Variants in TOMM70 observed in about 807,000 individuals in gnomAD.
The protein encoded by TOMM70 is translocase of outer mitochondrial membrane 70, also known as mitochondrial import receptor subunit TOM70.
In TOMM70, 13 loss-of-function variants were observed where a neutral mutation model predicts 73.6. That is an observed-to-expected ratio of 0.18 (90% CI 0.11 to 0.28). The LOEUF (loss-of-function observed/expected upper bound fraction) is 0.28. Among genes scored for constraint, TOMM70 ranks in the 10% least tolerant of loss-of-function variants. The pLI is 1.00. For missense variants in TOMM70, 609 were observed against 747.5 expected (o/e 0.81, Z 2.16); for synonymous variants, 257 against 271.2 (o/e 0.95, Z 0.51).
At chr3:100,385,849 G>A (rs896143826) in intron 3 of TOMM70, among the ~76,000 whole-genome samples, 2 of 152,056 alleles carry the variant, frequency 1.3e-5, no homozygotes, top group African/African-American at 2.4e-5. Context: ...TATAAACACA[G>A]CTCTCAAAGC....
At position 100,371,259 on chromosome 3, in the gene TOMM70, ATTTTTTTT is replaced by A. The variant is rs61515802; in HGVS notation, c.1452+1339_1452+1346del. Among the ~76,000 whole-genome samples, 163 of 98,646 alleles carry A rather than the reference ATTTTTTTT, an allele frequency of 1.7e-3. 1 individual carries two copies. Among genetic ancestry groups the A allele is most frequent in the South Asian group, 2.2e-3 (6 of 2,714 alleles). 64.7% of individuals were successfully genotyped at this position (98,646 alleles called of 152,430 possible). Reference sequence around the variant, plus strand: ...AGGAGAGGGGTCAACCAGCGATGGTATTTTTTTTTTTTTTTTTTTTTTTTGGAAATGGA... The same window carrying A: ...AGGAGAGGGGTCAACCAGCGATGGTATTTTTTTTTTTTTTTTGGAAATGGA... On this transcript the variant is annotated intron_variant, in intron 9 of 11. Coordinates refer to ENST00000284320, the MANE Select transcript of TOMM70 (RefSeq NM_014820.5).
intron 7 of TOMM70, among the ~76,000 whole-genome samples, chr3:100,374,176 T>C (rs765142664): frequency 1.3e-5 from 2 of 152,252 alleles, no homozygotes; most frequent in African/African-American, 4.8e-5. Context: ...TGTTTAGATA[T>C]GTTTTAGACA....
At chr3:100,374,966 G>A in intron 7 of TOMM70, 52 bp downstream of exon 7, 8 of 1,457,226 alleles carry the variant, frequency 5.5e-6, no homozygotes, top group Non-Finnish European at 6.4e-6. Flanking sequence ...CTCAAAAATG[G>A]TATCAAAGCT....
intron 11 of TOMM70, 99 bp downstream of exon 11, chr3:100,367,945 A>G: frequency 7.9e-7 from 1 of 1,265,872 alleles, no homozygotes; most frequent in South Asian, 1.6e-5. Flanking sequence ...AGGTGAAAAG[A>G]GGAAAGAACA....
chr3:100,384,308 TGAA>T (rs1706667202), intron 4 of TOMM70, among the ~76,000 whole-genome samples, 168 bp downstream of exon 4: 1 of 152,266 alleles, frequency 6.6e-6, no homozygotes, highest in East Asian at 1.9e-4. Flanking sequence ...ATATTCTTAC[TGAA>T]GAAGGACAAG....
rs757744876 is a variant in TOMM70 at position 100,381,676 on chromosome 3, T to C, written c.823A>G (p.Lys275Glu). ...TTATCTTCATCAGATTTCTCTCCTT[T>C]AAGCATGGGCTGGGAAATGATATCA... ...TDDIISQPML[K>E]GEKSDEDKDK... Residue 275 changes from lysine to glutamate, a missense_variant, in exon 5 of 12, where the codon AAA becomes GAA. This residue lies in a region of TOMM70 where 432 missense variants were observed against 584.1 expected (regional missense o/e 0.74). Transcript: ENST00000284320. 4.3e-6 allele frequency: 7 copies of C among 1,613,276 alleles called. No homozygotes were observed. In the East Asian group the frequency reaches 1.3e-4, roughly 31 times the overall value.
At chr3:100,380,707 C>T (rs550368631) in intron 5 of TOMM70, among the ~76,000 whole-genome samples, 5 of 152,264 alleles carry the variant, frequency 3.3e-5, no homozygotes, top group Admixed American at 1.3e-4. Flanking sequence ...AGAGCTAATA[C>T]GACATCTTAA....
intron 4 of TOMM70, among the ~76,000 whole-genome samples, chr3:100,382,783 G>A (rs554745615): frequency 6.6e-6 from 1 of 152,176 alleles, no homozygotes; most frequent in Admixed American, 6.5e-5. Context: ...GAAAATAAAC[G>A]GTTACAAGAA....
chr3:100,388,866 C>T (rs1706728714), intron 1 of TOMM70, among the ~76,000 whole-genome samples: 2 of 152,104 alleles, frequency 1.3e-5, no homozygotes, highest in Admixed American at 6.5e-5. Flanking sequence ...ATTAAAGAAG[C>T]GAGCTGAGGA....
intron 3 of TOMM70, among the ~76,000 whole-genome samples, 158 bp from the exon 4 acceptor site, chr3:100,384,746 A>G (rs2148892465): frequency 6.6e-6 from 1 of 152,298 alleles, no homozygotes; most frequent in South Asian, 2.1e-4. Flanking sequence ...ACCTAATTTT[A>G]TATTCTCTAT....
intron 4 of TOMM70, among the ~76,000 whole-genome samples, chr3:100,384,183 G>A (rs907051237): frequency 2.0e-5 from 3 of 152,196 alleles, no homozygotes; most frequent in Admixed American, 6.5e-5. Context: ...ACATGTGACT[G>A]AACATTATTT....
At chr3:100,392,861 G>A (rs1706778883) in intron 1 of TOMM70, among the ~76,000 whole-genome samples, 1 of 152,066 alleles carries the variant, frequency 6.6e-6, no homozygotes, top group Non-Finnish European at 1.5e-5. Flanking sequence ...TATGTTTATT[G>A]CAGCACAATT....
At chr3:100,374,616 A>C (rs1057004602) in intron 7 of TOMM70, among the ~76,000 whole-genome samples, 1 of 152,314 alleles carries the variant, frequency 6.6e-6, no homozygotes, top group Middle Eastern at 3.4e-3. Flanking sequence ...AAATATATTT[A>C]TTTTTACTAT....
chr3:100,400,574 G>A (rs58080434), intron 1 of TOMM70, 52 bp downstream of exon 1: 18 of 1,574,908 alleles, frequency 1.1e-5, no homozygotes, highest in Middle Eastern at 1.7e-4. Context: ...ACCCGCCAAG[G>A]AAAAGCTGCA....
intron 5 of TOMM70, among the ~76,000 whole-genome samples, chr3:100,380,216 G>A (rs1257231073): frequency 6.6e-6 from 1 of 152,062 alleles, no homozygotes; most frequent in African/African-American, 2.4e-5. Flanking sequence ...GTCGTGGCAT[G>A]AGCCTGTAAT....
chr3:100,398,383 C>CAAAA (rs397970636), intron 1 of TOMM70, among the ~76,000 whole-genome samples: 75 of 97,834 alleles, frequency 7.7e-4, no homozygotes, highest in Admixed American at 1.3e-3. Flanking sequence ...GACGCTGTCT[C>CAAAA]AAAAAAAAAA....
intron 5 of TOMM70, among the ~76,000 whole-genome samples, chr3:100,378,301 T>C (rs1201324126): frequency 1.3e-5 from 2 of 151,924 alleles, no homozygotes; most frequent in African/African-American, 4.8e-5. Flanking sequence ...ACATGCCACA[T>C]TTGGCACACC....
intron 1 of TOMM70, among the ~76,000 whole-genome samples, chr3:100,399,175 C>T (rs1440118259): frequency 6.6e-6 from 1 of 151,304 alleles, no homozygotes; most frequent in Non-Finnish European, 1.5e-5. Flanking sequence ...CCAGCTATTC[C>T]GGAGGCTGAG....
chr3:100,392,820 A>G, intron 1 of TOMM70, among the ~76,000 whole-genome samples: 1 of 152,344 alleles, frequency 6.6e-6, no homozygotes, highest in East Asian at 1.9e-4. Context: ...AAGGAAAAGA[A>G]GTCATTATAT....
Sources: gnomAD v4.1 joint callset for allele counts (sites outside exome capture counted in the v4.1 genomes callset) on GRCh38, gnomAD v4.1.1 for gene constraint, gnomAD v4.1.1 regional missense constraint, MANE v1.5 for transcripts, NCBI Gene and HGNC (gene_info 2026-07-23, HGNC 2026-07-21) for gene names.